The following FCHSD2 variants were observed in gnomAD, a reference collection of about 807,000 sequenced individuals.
The protein encoded by FCHSD2 is F-BAR and double SH3 domains protein 2.
A neutral mutation model predicts 108.1 loss-of-function variants in FCHSD2; 38 were observed. The observed-to-expected ratio is 0.35, with a 90% CI of 0.27 to 0.46. The LOEUF is 0.46. Among genes scored for constraint, FCHSD2 ranks in the 20% least tolerant of loss-of-function variants. The pLI is 1.00. For missense variants in FCHSD2, 751 were observed against 897.8 expected, an observed-to-expected ratio of 0.84 and a Z score of 2.09; for synonymous variants, 279 against 314.7, an observed-to-expected ratio of 0.89 and a Z score of 1.20.
intron 8 of FCHSD2, chr11:72,940,499 T>C: frequency 2.6e-6 from 2 of 766,104 alleles, no homozygotes; most frequent in Non-Finnish European, 4.5e-6. Flanking sequence ...TAAGCCAAGA[T>C]GGGTGCATAC....
chr11:73,085,983 G>C (rs1859805173), intron 2 of FCHSD2, among the ~76,000 whole-genome samples: 1 of 152,098 alleles, frequency 6.6e-6, no homozygotes, highest in Non-Finnish European at 1.5e-5. Context: ...CTAAAACAAT[G>C]GTTTTAAAGA....
rs570993357 is a variant in FCHSD2 at position 72,940,127 on chromosome 11, G to A, written c.706-18177C>T. On this transcript the variant is annotated intron_variant, in intron 8 of 19. Transcript: ENST00000409418. ...TCTCAGGTCTAATTCCATAGAAGCA[G>A]GACAAATAAAATTTAGCCCCAAGTT... 2.8e-4 allele frequency among the ~76,000 whole-genome samples: 42 copies of A among 152,242 alleles called. No individual in the cohort carries two copies. In the South Asian group the frequency reaches 8.5e-3, roughly 31 times the overall value.
intron 3 of FCHSD2, among the ~76,000 whole-genome samples, chr11:73,039,432 C>T (rs1858578199): frequency 6.6e-6 from 1 of 151,640 alleles, no homozygotes; most frequent in South Asian, 2.1e-4. Context: ...GTGAGAGACT[C>T]GCTTGAACCC....
intron 8 of FCHSD2, among the ~76,000 whole-genome samples, chr11:72,954,251 G>A (rs1856671940): frequency 7.2e-6 from 1 of 138,096 alleles, no homozygotes; most frequent in South Asian, 2.3e-4. Flanking sequence ...TGTCACCCAG[G>A]CTGGAGTGCA....
chr11:72,855,939 C>T (rs915282647), intron 13 of FCHSD2, among the ~76,000 whole-genome samples: 12 of 152,096 alleles, frequency 7.9e-5, no homozygotes, highest in Non-Finnish European at 1.0e-4. Flanking sequence ...AAATTAAAAA[C>T]CTAATAAAGA....
intron 8 of FCHSD2, chr11:72,940,954 A>AAAGCAGTCTAT (rs1856404667): frequency 1.3e-6 from 1 of 765,406 alleles, no homozygotes; most frequent in Non-Finnish European, 2.4e-6. Context: ...ATGGATCACC[A>AAAGCAGTCTAT]AAGCAGTCTA....
chr11:73,096,428 G>GT (rs1860078533), intron 2 of FCHSD2, among the ~76,000 whole-genome samples: 1 of 150,900 alleles, frequency 6.6e-6, no homozygotes, highest in Non-Finnish European at 1.5e-5. Flanking sequence ...GCGGGCGCCT[G>GT]TAATTCCAGC....
intron 8 of FCHSD2, chr11:72,941,151 G>A (rs1856409436): frequency 4.8e-6 from 2 of 414,170 alleles, no homozygotes; most frequent in African/African-American, 2.0e-5. Context: ...TCATAATTTA[G>A]GACAGTCAAA....
intron 13 of FCHSD2, among the ~76,000 whole-genome samples, chr11:72,867,470 T>A (rs1854753498): frequency 6.6e-6 from 1 of 152,216 alleles, no homozygotes. Flanking sequence ...TTCCTTTCAC[T>A]TAAGATTTTG....
intron 9 of FCHSD2, among the ~76,000 whole-genome samples, chr11:72,910,252 C>A (rs1184144197): frequency 6.6e-6 from 1 of 152,000 alleles, no homozygotes; most frequent in East Asian, 1.9e-4. Flanking sequence ...AGAGCCTCTG[C>A]CCGGCCACCC....
chr11:72,886,684 C>T (rs755483112), intron 12 of FCHSD2, among the ~76,000 whole-genome samples: 6 of 152,178 alleles, frequency 3.9e-5, no homozygotes, highest in Non-Finnish European at 5.9e-5. Context: ...GCCCTAACCA[C>T]AACAAGTTTA....
chr11:72,902,152 A>G (rs1203464349), intron 10 of FCHSD2, among the ~76,000 whole-genome samples: 1 of 152,118 alleles, frequency 6.6e-6, no homozygotes, highest in Admixed American at 6.6e-5. Context: ...TGAGATTACA[A>G]GCGTGAGCCA....
intron 13 of FCHSD2, among the ~76,000 whole-genome samples, chr11:72,862,150 A>C (rs537805965): frequency 6.6e-6 from 1 of 152,220 alleles, no homozygotes; most frequent in South Asian, 2.1e-4. Flanking sequence ...CAAAAACCCT[A>C]CTGCTAACTT....
rs747317511 is a variant in FCHSD2, at chr11:72,867,975, C to T, written c.1198G>A (p.Val400Ile). Residue 400 changes from valine (V) to isoleucine (I), a missense_variant, in exon 13 of 20, where the codon GTT becomes ATT. Transcript: ENST00000409418. ...ARLDLLKQIGVSVDTWLKSAM... is the reference protein window; with the variant it reads ...ARLDLLKQIGISVDTWLKSAM... ...CTCTTTAGCCATGTGTCCACAGAAACACCAATCTGCTTTAGCAGGTCCAAC... is the reference window on the plus strand; with the variant it reads ...CTCTTTAGCCATGTGTCCACAGAAATACCAATCTGCTTTAGCAGGTCCAAC... 6.3e-7 allele frequency: 1 copy of T among 1,585,450 alleles called. No individual in the cohort carries two copies. Among genetic ancestry groups the T allele is most frequent in the South Asian group, 1.2e-5 (1 of 86,814 alleles).
chr11:72,865,845 A>T (rs1445249011), intron 13 of FCHSD2, among the ~76,000 whole-genome samples: 3 of 152,218 alleles, frequency 2.0e-5, no homozygotes, highest in Non-Finnish European at 4.4e-5. Context: ...AGAAGTAAGC[A>T]ATCTCAAGTG....
intron 3 of FCHSD2, 124 bp downstream of exon 3, chr11:73,083,571 C>A (rs1412998909): frequency 6.9e-4 from 347 of 501,300 alleles, no homozygotes; most frequent in South Asian, 1.5e-3. Context: ...AAAAAAAAAA[C>A]AAGAAAGAAA....
intron 8 of FCHSD2, among the ~76,000 whole-genome samples, chr11:72,979,533 C>T (rs1857173107): frequency 1.3e-5 from 2 of 152,020 alleles, no homozygotes; most frequent in Admixed American, 1.3e-4. Flanking sequence ...TAATCAAGAA[C>T]TAGGATGGCT....
chr11:72,842,035 C>A (rs7940683), intron 17 of FCHSD2, among the ~76,000 whole-genome samples: 1 of 152,204 alleles, frequency 6.6e-6, no homozygotes, highest in African/African-American at 2.4e-5. Context: ...TCGGCAAACA[C>A]GTTCCTTCTT....
intron 3 of FCHSD2, among the ~76,000 whole-genome samples, chr11:73,035,197 T>TGTAC (rs1228852559): frequency 6.8e-6 from 1 of 147,718 alleles, no homozygotes; most frequent in Non-Finnish European, 1.5e-5. Context: ...TATGTATGTA[T>TGTAC]GTATGTACGT....
Sources: gnomAD v4.1 joint callset for allele counts (sites outside exome capture counted in the v4.1 genomes callset) on GRCh38, gnomAD v4.1.1 for gene constraint, MANE v1.5 for transcripts, NCBI Gene and HGNC (gene_info 2026-07-23, HGNC 2026-07-21) for gene names.